Variants in FRMD6 observed in about 807,000 individuals in gnomAD.
The protein encoded by FRMD6 is FERM domain-containing protein 6.
In FRMD6, 37 loss-of-function variants were observed where a neutral mutation model predicts 73.2. That is an observed-to-expected ratio of 0.51 (90% CI 0.39 to 0.66). The LOEUF (loss-of-function observed/expected upper bound fraction) is 0.66, where lower values mean the gene tolerates loss of function less well. FRMD6 is among the 30% of genes least tolerant of loss of function. FRMD6 has a pLI of 0.00. For missense variants in FRMD6, 714 were observed against 780.5 expected (o/e 0.91, Z 1.02); for synonymous variants, 273 against 282.2 (o/e 0.97, Z 0.33).
the FRMD6 span, among the ~76,000 whole-genome samples, chr14:51,466,643 A>G: frequency 9.0e-3 from 1,375 of 152,318 alleles, 21 homozygotes; most frequent in African/African-American, 0.032. Context: ...TGTTGTTAAT[A>G]TTACTGTAGC....
At chr14:51,476,129 A>T in the FRMD6 span, among the ~76,000 whole-genome samples, 1 of 152,116 alleles carries the variant, frequency 6.6e-6, no homozygotes, top group East Asian at 1.9e-4. Flanking sequence ...TCAAACTATC[A>T]ATTTCTCTCT....
At chr14:51,424,579 A>G in the FRMD6 span, among the ~76,000 whole-genome samples, 4 of 152,190 alleles carry the variant, frequency 2.6e-5, no homozygotes, top group Non-Finnish European at 5.9e-5. Flanking sequence ...ATCCCAGAAA[A>G]TGTCCTCTCT....
At chr14:51,682,896 C>G (rs931432369) in intron 1 of FRMD6, among the ~76,000 whole-genome samples, 2 of 152,148 alleles carry the variant, frequency 1.3e-5, no homozygotes, top group African/African-American at 4.8e-5. Context: ...ACATCCCTCT[C>G]CTACATCACC....
intron 1 of FRMD6, among the ~76,000 whole-genome samples, chr14:51,666,230 C>T (rs982218750): frequency 6.6e-6 from 1 of 152,148 alleles, no homozygotes; most frequent in Non-Finnish European, 1.5e-5. Context: ...TCATTTATTG[C>T]CATTTCCCTA....
At chr14:51,585,195 C>T (rs1303474535) in intron 2 of FRMD6, among the ~76,000 whole-genome samples, 3 of 152,084 alleles carry the variant, frequency 2.0e-5, no homozygotes, top group African/African-American at 4.8e-5. Context: ...ATGTTATTTT[C>T]GCCCCTAGAA....
chr14:51,494,034 G>A (rs1370489659), intron 1 of FRMD6, among the ~76,000 whole-genome samples: 1 of 152,066 alleles, frequency 6.6e-6, no homozygotes, highest in Non-Finnish European at 1.5e-5. Context: ...TTAAATAAGG[G>A]CACTAATCCC....
chr14:51,578,902 G>A (rs1888552843), intron 2 of FRMD6: 1 of 152,192 alleles, frequency 6.6e-6, no homozygotes, highest in Non-Finnish European at 1.5e-5. Context: ...GACCTTGAAG[G>A]CCAGGCTTAG....
intron 13 of FRMD6, among the ~76,000 whole-genome samples, chr14:51,727,027 TAA>T (rs112151121): frequency 2.6e-5 from 4 of 151,776 alleles, no homozygotes; most frequent in Non-Finnish European, 5.9e-5. Context: ...CTTGGGATAA[TAA>T]AAAAAAGTCT....
At chr14:51,722,477 A>C (rs1897683983) in intron 12 of FRMD6, among the ~76,000 whole-genome samples, 1 of 152,164 alleles carries the variant, frequency 6.6e-6, no homozygotes, top group Admixed American at 6.5e-5. Flanking sequence ...TAGAAACAGA[A>C]GTAGGCCTCC....
At chr14:51,652,456 C>T (rs1892488248) in intron 1 of FRMD6, among the ~76,000 whole-genome samples, 1 of 152,176 alleles carries the variant, frequency 6.6e-6, no homozygotes, top group South Asian at 2.1e-4. Context: ...GCACCCAGGT[C>T]TGTGTCGCTG....
At position 51,525,697 on chromosome 14, in the gene FRMD6, T is replaced by C. The variant is rs370326363; in HGVS notation, c.-210+36277T>C. On this transcript the variant is annotated intron_variant, in intron 1 of 14. Coordinates refer to the FRMD6 transcript ENST00000356218. ...CTCCTGCCTCCTCATTTTGTGTTAA[T>C]TGCATCACCATAACCCCTGACCTTA... 2.0e-5 allele frequency among the ~76,000 whole-genome samples: 3 copies of C among 152,198 alleles called. No individual in the cohort carries two copies. In the South Asian group the frequency reaches 6.2e-4, roughly 31 times the overall value.
At chr14:51,696,728 C>A (rs77514498) in intron 2 of FRMD6, among the ~76,000 whole-genome samples, 1 of 144,550 alleles carries the variant, frequency 6.9e-6, no homozygotes, top group East Asian at 2.0e-4. Context: ...GCCCAGGCAA[C>A]GTAGTGAGAG....
chr14:51,492,664 A>T (rs958933104), intron 1 of FRMD6, among the ~76,000 whole-genome samples: 8 of 152,226 alleles, frequency 5.3e-5, no homozygotes, highest in Non-Finnish European at 1.2e-4. Flanking sequence ...GAATAAAAGA[A>T]TTGCAGATTT....
intron 1 of FRMD6, among the ~76,000 whole-genome samples, chr14:51,674,565 A>G (rs1894248996): frequency 6.6e-6 from 1 of 152,034 alleles, no homozygotes; most frequent in African/African-American, 2.4e-5. Context: ...GAGCAGAGGT[A>G]GGGTGGTTTC....
At chr14:51,652,470 C>T (rs1373850100) in intron 1 of FRMD6, among the ~76,000 whole-genome samples, 1 of 152,180 alleles carries the variant, frequency 6.6e-6, no homozygotes, top group Non-Finnish European at 1.5e-5. Context: ...GTCGCTGTGG[C>T]TGGGCGCCGG....
chr14:51,629,140 A>G (rs1891242897), intron 2 of FRMD6, among the ~76,000 whole-genome samples: 1 of 151,930 alleles, frequency 6.6e-6, no homozygotes, highest in South Asian at 2.1e-4. Flanking sequence ...CGCCCTCCCA[A>G]AGTGCTGGGA....
At chr14:51,659,677 TAC>T (rs904244306) in intron 1 of FRMD6, among the ~76,000 whole-genome samples, 1 of 152,222 alleles carries the variant, frequency 6.6e-6, no homozygotes, top group African/African-American at 2.4e-5. Context: ...AAATTCTCCT[TAC>T]GGTGACTGAT....
chr14:51,718,269 T>C (rs1006860218), intron 10 of FRMD6, among the ~76,000 whole-genome samples: 4 of 152,142 alleles, frequency 2.6e-5, no homozygotes. Context: ...TTGACAGGAA[T>C]AGGTAGAAAA....
intron 2 of FRMD6, among the ~76,000 whole-genome samples, chr14:51,646,210 C>G (rs561303981): frequency 6.7e-6 from 1 of 148,824 alleles, no homozygotes; most frequent in South Asian, 2.2e-4. Flanking sequence ...CTCGGCTACT[C>G]GGGAGGCTGA....
Sources: allele counts gnomAD v4.1 joint callset (sites outside exome capture counted in the v4.1 genomes callset), GRCh38; gene constraint gnomAD v4.1.1; transcripts MANE v1.5; gene names NCBI Gene and HGNC (gene_info 2026-07-23, HGNC 2026-07-21).